The following HTR1D variants were observed in gnomAD, a reference collection of about 807,000 sequenced individuals.
HTR1D encodes 5-hydroxytryptamine receptor 1D.
Under a neutral mutation model 21.1 loss-of-function variants are expected in HTR1D, and 18 were observed. That is an observed-to-expected ratio of 0.85 (90% CI 0.59 to 1.27). HTR1D has a LOEUF of 1.27. Among genes scored for constraint, HTR1D ranks in the 50% most tolerant of loss-of-function variants. The probability of loss-of-function intolerance (pLI) is 0.00; values close to 1 mark genes in which losing one functional copy is unlikely to be tolerated. For missense variants in HTR1D, 456 were observed against 481.4 expected, an observed-to-expected ratio of 0.95 and a Z score of 0.49; for synonymous variants, 196 against 204.4, an observed-to-expected ratio of 0.96 and a Z score of 0.35.
chr1:23,202,391 C>T (rs1275810610), intron 1 of HTR1D, among the ~76,000 whole-genome samples: 1 of 152,154 alleles, frequency 6.6e-6, no homozygotes. Context: ...CCGCACCTGG[C>T]CAGCAAAAGC....
At chr1:23,215,945 C>G (rs1644772002) in intron 1 of HTR1D, among the ~76,000 whole-genome samples, 1 of 152,232 alleles carries the variant, frequency 6.6e-6, no homozygotes, top group African/African-American at 2.4e-5. Context: ...GGCCCTAGCC[C>G]CTGCCAGTCA....
chr1:23,193,237 C>G lies in HTR1D; in HGVS notation c.983G>C (p.Arg328Pro). 1 of 1,614,064 alleles carries G rather than the reference C, an allele frequency of 6.2e-7. No homozygotes were observed. The highest frequency in any genetic ancestry group is 1.7e-5 in the Admixed American group (1 of 60,000). The change falls in exon 2 of 2, where the codon CGG becomes CCG. Residue 328 changes from arginine (R) to proline (P), a missense_variant. Arg to Pro is a moderately radical substitution (Grantham distance 103). Transcript: ENST00000374619. ...FVVSLVLPIC[R>P]DSCWIHPALF... ...CGCCGGGTGGATCCAGCAGGAGTCC[C>G]GGCAGATGGGGAGGACCAGAGACAC...
chr1:23,199,415 C>CTTT (rs71020483), intron 1 of HTR1D, among the ~76,000 whole-genome samples: 1 of 46,330 alleles, frequency 2.2e-5, no homozygotes, highest in Non-Finnish European at 3.8e-5. Flanking sequence ...CATGTGTGGT[C>CTTT]TTTTTTTTTT....
chr1:23,199,029 T>A (rs1402374316), intron 1 of HTR1D, among the ~76,000 whole-genome samples: 1 of 130,198 alleles, frequency 7.7e-6, no homozygotes. Context: ...CTAATTTTTG[T>A]ATTTTTTTTT....
Position 23,193,161 on chromosome 1 carries a change from T to A in HTR1D, c.1059A>T (p.Pro353=), listed in dbSNP as rs758286527. The A allele has an allele frequency of 6.2e-7, 1 of 1,612,952 alleles. No homozygotes were observed. The highest frequency in any genetic ancestry group is 1.3e-5 in the African/African-American group (1 of 74,562). The change falls in exon 2 of 2, where the codon CCA becomes CCT. Residue 353 remains proline (P), a synonymous_variant. Coordinates refer to ENST00000374619, the MANE Select transcript of HTR1D (RefSeq NM_000864.5). ...CTTCATTAAACACAGTGTAGATTATTGGATTGATGAGGGAGTTTAAATAGC... is the reference window on the plus strand; with the variant it reads ...CTTCATTAAACACAGTGTAGATTATAGGATTGATGAGGGAGTTTAAATAGC... ...WLGYLNSLIN[P]IIYTVFNEEF...
chr1:23,202,790 C>G (rs974842045), intron 1 of HTR1D, among the ~76,000 whole-genome samples: 2 of 152,194 alleles, frequency 1.3e-5, no homozygotes, highest in African/African-American at 2.4e-5. Flanking sequence ...ATCTCATTCT[C>G]TCTCCTGCAT....
At chr1:23,197,196 A>G (rs588387) in intron 1 of HTR1D, among the ~76,000 whole-genome samples, 53,414 of 151,902 alleles carry the variant, frequency 0.35, 9,908 homozygotes, top group African/African-American at 0.47. Flanking sequence ...TCCAGCCCTC[A>G]GCAACATCTT....
chr1:23,208,956 A>G (rs1036950593), intron 1 of HTR1D, among the ~76,000 whole-genome samples: 3 of 148,532 alleles, frequency 2.0e-5, no homozygotes, highest in African/African-American at 7.7e-5. Flanking sequence ...AAATGGTAAT[A>G]TTTTGGGTGT....
At chr1:23,208,125 G>A (rs756660771) in intron 1 of HTR1D, among the ~76,000 whole-genome samples, 51 of 152,180 alleles carry the variant, frequency 3.4e-4, no homozygotes, top group Non-Finnish European at 4.6e-4. Flanking sequence ...AGTGGGTAAA[G>A]AGGTTTTAAA....
chr1:23,192,775 T>G lies in HTR1D; in HGVS notation c.*311A>C, dbSNP rs1254301518. The G allele has an allele frequency of 2.1e-5, 4 of 192,262 alleles. No individual in the cohort carries two copies. The highest frequency in any genetic ancestry group is 4.1e-5 in the Non-Finnish European group (4 of 96,922). 11.9% of individuals were successfully genotyped at this position (192,262 alleles called of 1,614,324 possible). On this transcript the variant is annotated 3_prime_UTR_variant, in exon 2 of 2. Coordinates refer to ENST00000374619, the MANE Select transcript of HTR1D (RefSeq NM_000864.5). ...TCTCTTGAACCCGGGATGCGGAGGT[T>G]GCAGTGAGCTGAGATTGTGCCACTA...
Position 23,193,196 on chromosome 1 carries a change from T to C in HTR1D, c.1024A>G (p.Thr342Ala). 6.2e-7 allele frequency: 1 copy of C among 1,613,908 alleles called. No individual in the cohort carries two copies. Among genetic ancestry groups the C allele is most frequent in the African/African-American group, 1.3e-5 (1 of 74,934 alleles). ...WIHPALFDFF[T>A]WLGYLNSLIN... ...AGGGAGTTTAAATAGCCTAGCCAGG[T>C]GAAGAAGTCAAAGAGCGCCGGGTGG... is the stretch of plus-strand genomic sequence containing the variant. Residue 342 changes from threonine to alanine, a missense_variant, in exon 2 of 2, where the codon ACC becomes GCC. Physicochemically the swap from Thr to Ala is moderately conservative, Grantham distance 58 (BLOSUM62 0). Transcript: ENST00000374619.
rs1223425761 is a variant in HTR1D, at chr1:23,216,294, T to C, written c.-783+997A>G. On this transcript the variant is annotated intron_variant, in intron 1 of 1. Coordinates refer to ENST00000374619, the MANE Select transcript of HTR1D (RefSeq NM_000864.5). The stretch of plus-strand genomic sequence containing the variant: ...AAATGATGGCCACTAGTGGCTGAGC[T>C]CTGGTTTGGAGCCAGGGGCTGTGCT... Among the ~76,000 whole-genome samples the C allele has an allele frequency of 2.0e-5, 3 of 152,230 alleles. 1 individual carries two copies.
At chr1:23,206,493 T>C (rs571819154) in intron 1 of HTR1D, among the ~76,000 whole-genome samples, 1 of 152,320 alleles carries the variant, frequency 6.6e-6, no homozygotes, top group East Asian at 1.9e-4. Flanking sequence ...CCAGCATAGC[T>C]GGCTGTGAAC....
At position 23,217,290 on chromosome 1, in the gene HTR1D, C is replaced by T. The variant is rs1029125790; in HGVS notation, c.-783+1G>A. On this transcript the variant is annotated splice_donor_variant, in intron 1 of 1. Coordinates refer to ENST00000374619, the MANE Select transcript of HTR1D (RefSeq NM_000864.5). LOFTEE classifies it low-confidence loss of function (5UTR_SPLICE). This position sits in a 1 kb window ranked among gnomAD's most constrained non-coding sequence, Gnocchi z 4.6. ...CTGCAGACGCGGCCCCGAGAGCTTA[C>T]CCGCTGCCCGGCGGGCAGGTGCGCA... 2.0e-5 allele frequency among the ~76,000 whole-genome samples: 3 copies of T among 151,798 alleles called. No homozygotes were observed. The highest frequency in any genetic ancestry group is 7.2e-5 in the African/African-American group (3 of 41,388).
chr1:23,211,063 T>G lies in HTR1D; in HGVS notation c.-783+6228A>C, dbSNP rs144493153. On this transcript the variant is annotated intron_variant, in intron 1 of 1. Transcript: ENST00000374619. ...GCTATTCATCATCTGCTTTTTCTTTTGGGAGCCACAATACAGGTGTGATTC... is the reference window on the plus strand; with the variant it reads ...GCTATTCATCATCTGCTTTTTCTTTGGGGAGCCACAATACAGGTGTGATTC... 5.8e-3 allele frequency among the ~76,000 whole-genome samples: 881 copies of G among 152,322 alleles called. 9 individuals carry two copies. The highest frequency in any genetic ancestry group is 0.019 in the African/African-American group (801 of 41,580).
intron 1 of HTR1D, among the ~76,000 whole-genome samples, chr1:23,213,312 T>C (rs1644761122): frequency 1.3e-5 from 2 of 152,064 alleles, no homozygotes; most frequent in Non-Finnish European, 2.9e-5. Flanking sequence ...AAACCCCGTC[T>C]CTACTAAAAA....
chr1:23,199,402 C>A (rs146050434), intron 1 of HTR1D, among the ~76,000 whole-genome samples: 1 of 138,146 alleles, frequency 7.2e-6, no homozygotes, highest in African/African-American at 2.7e-5. Flanking sequence ...AGGTGTGAGC[C>A]GCCATGTGTG....
At chr1:23,198,937 C>T (rs1354523257) in intron 1 of HTR1D, among the ~76,000 whole-genome samples, 2 of 152,220 alleles carry the variant, frequency 1.3e-5, no homozygotes, top group East Asian at 3.8e-4. Context: ...CTCACTGCAA[C>T]CTCCACCTCC....
rs774984195 is a variant in HTR1D at position 23,214,390 on chromosome 1, G to A, written c.-783+2901C>T. On this transcript the variant is annotated intron_variant, in intron 1 of 1. Transcript: ENST00000374619. ...TGCAGTGAGCCCAGAGTGCACTGCT[G>A]CACTCTAGCCTGGGTGACAAAGCCA... Among the ~76,000 whole-genome samples the A allele has an allele frequency of 2.7e-4, 41 of 152,124 alleles. 1 individual carries two copies. The highest frequency in any genetic ancestry group is 1.8e-3 in the Admixed American group (27 of 15,258).
Sources: gnomAD v4.1 joint callset for allele counts (sites outside exome capture counted in the v4.1 genomes callset) on GRCh38, gnomAD v4.1.1 for gene constraint, Gnocchi (gnomAD v3.1) non-coding constraint, MANE v1.5 for transcripts, NCBI Gene and HGNC (gene_info 2026-07-23, HGNC 2026-07-21) for gene names.